VPS13A: variants seen among roughly 807,000 people sequenced by gnomAD.
VPS13A encodes the protein vacuolar protein sorting 13 homolog A.
In VPS13A, 264 loss-of-function variants were observed where a neutral mutation model predicts 390.9. That is an observed-to-expected ratio of 0.68 (90% CI 0.61 to 0.75). The LOEUF (loss-of-function observed/expected upper bound fraction) is 0.75. Among genes scored for constraint, VPS13A ranks in the 30% least tolerant of loss-of-function variants. The pLI is 0.00. For missense variants in VPS13A, 3,409 were observed against 3,733.9 expected (o/e 0.91, Z 2.27); for synonymous variants, 1,231 against 1,227.1 (o/e 1.00, Z -0.07).
chr9:77,220,012 C>G lies in VPS13A; in HGVS notation c.813C>G (p.Asp271Glu), dbSNP rs571540395. The change falls in exon 11 of 72, where the codon GAC becomes GAG. Residue 271 changes from aspartate (D) to glutamate (E), a missense_variant. Transcript: ENST00000360280. ...TGATGAATCGCCGATCTGATTTTGA[C>G]TTTTCTGCCCCCAAAATAAACTTGG... ...KLVMNRRSDF[D>E]FSAPKINLEI... 2 of 1,613,362 alleles carry G rather than the reference C, an allele frequency of 1.2e-6. No individual in the cohort carries two copies. Among genetic ancestry groups the G allele is most frequent in the Admixed American group, 1.7e-5 (1 of 59,974 alleles).
intron 33 of VPS13A, among the ~76,000 whole-genome samples, chr9:77,297,355 C>G (rs1042869757): frequency 3.3e-5 from 5 of 151,988 alleles, no homozygotes; most frequent in African/African-American, 1.2e-4. Context: ...CTTGGTTTCT[C>G]TTGGACTCTC....
At chr9:77,403,972 T>C (rs761720722) in intron 69 of VPS13A, among the ~76,000 whole-genome samples, 45 of 152,196 alleles carry the variant, frequency 3.0e-4, no homozygotes, top group African/African-American at 4.6e-4. Context: ...TGTTCACTTA[T>C]GAAAGGTAAA....
At chr9:77,379,904 C>T (rs1171693785) in intron 67 of VPS13A, among the ~76,000 whole-genome samples, 3 of 152,080 alleles carry the variant, frequency 2.0e-5, no homozygotes, top group Non-Finnish European at 4.4e-5. Flanking sequence ...TTTTTCCTTG[C>T]TGATCTTTTA....
intron 50 of VPS13A, chr9:77,340,847 G>T: frequency 3.0e-6 from 1 of 333,066 alleles, no homozygotes; most frequent in East Asian, 6.8e-5. Flanking sequence ...GCACCAAAGA[G>T]AAGGAAATTA....
chr9:77,234,982 A>C (rs966028583), intron 17 of VPS13A, among the ~76,000 whole-genome samples: 1 of 152,160 alleles, frequency 6.6e-6, no homozygotes, highest in African/African-American at 2.4e-5. Flanking sequence ...CATTTTCACA[A>C]ATTACTGCTT....
intron 1 of VPS13A, chr9:77,178,247 C>T: frequency 6.0e-6 from 1 of 167,458 alleles, no homozygotes; most frequent in Admixed American, 6.1e-5. Flanking sequence ...AGAAATCCCC[C>T]GCGTGTTGCA....
chr9:77,315,148 T>C, intron 37 of VPS13A, 105 bp from the exon 38 acceptor site: 1 of 1,019,222 alleles, frequency 9.8e-7, no homozygotes, highest in Admixed American at 2.0e-5. Flanking sequence ...TTCAGAATGC[T>C]TTTTTTTGTC....
At chr9:77,290,981 G>A (rs1827618166) in intron 31 of VPS13A, among the ~76,000 whole-genome samples, 1 of 151,744 alleles carries the variant, frequency 6.6e-6, no homozygotes, top group Admixed American at 6.6e-5. Flanking sequence ...GCTTTTATAG[G>A]GCATCTCATA....
At chr9:77,392,192 A>G (rs1833922690) in intron 68 of VPS13A, among the ~76,000 whole-genome samples, 9 of 152,234 alleles carry the variant, frequency 5.9e-5, no homozygotes, top group Admixed American at 5.9e-4. Context: ...AGTGATCCCT[A>G]GGTATTATAT....
In VPS13A at chr9:77,177,541, T is replaced by A. The variant is rs1342340657; in HGVS notation, c.-164T>A. ...CGCGTCGTGAGAGCGACCGCCTCCG[T>A]CTCTCGCTGGGCTCGCTAGGGCTGC... On this transcript the variant is annotated 5_prime_UTR_variant, in exon 1 of 72. Coordinates refer to ENST00000360280, the MANE Select transcript of VPS13A (RefSeq NM_033305.3). 2.1e-5 allele frequency: 14 copies of A among 653,922 alleles called. No homozygotes were observed. Among genetic ancestry groups the A allele is most frequent in the Non-Finnish European group, 3.0e-5 (11 of 368,834 alleles). 40.5% of individuals were successfully genotyped at this position (653,922 alleles called of 1,614,324 possible).
At chr9:77,241,930 C>T (rs1824522791) in intron 19 of VPS13A, among the ~76,000 whole-genome samples, 1 of 152,142 alleles carries the variant, frequency 6.6e-6, no homozygotes, top group African/African-American at 2.4e-5. Flanking sequence ...TTTTACTTCA[C>T]AATTATTCTT....
chr9:77,340,589 C>A, intron 50 of VPS13A, 39 bp downstream of exon 50: 2 of 1,608,826 alleles, frequency 1.2e-6, no homozygotes, highest in South Asian at 1.1e-5. Context: ...TCTTTGGATT[C>A]TATTTTCTCC....
intron 26 of VPS13A, among the ~76,000 whole-genome samples, chr9:77,278,556 T>C (rs1826831192): frequency 6.6e-6 from 1 of 152,166 alleles, no homozygotes; most frequent in Admixed American, 6.5e-5. Context: ...GATCAGTAAA[T>C]GGTTCAATGA....
At chr9:77,292,983 TGTCA>T (rs1321803641) in intron 31 of VPS13A, among the ~76,000 whole-genome samples, 1 of 151,766 alleles carries the variant, frequency 6.6e-6, no homozygotes, top group African/African-American at 2.4e-5. Context: ...TTCAAATTTT[TGTCA>T]GTCAATCAAG....
At chr9:77,214,538 A>G (rs1186313518) in intron 10 of VPS13A, 152 bp downstream of exon 10, 5 of 564,760 alleles carry the variant, frequency 8.9e-6, no homozygotes, top group South Asian at 4.9e-5. Flanking sequence ...AAATAATATT[A>G]TATTTTTTAG....
chr9:77,301,083 G>A (rs191296260), intron 33 of VPS13A, among the ~76,000 whole-genome samples: 6 of 152,302 alleles, frequency 3.9e-5, no homozygotes, highest in Non-Finnish European at 7.4e-5. Flanking sequence ...ATATTGGGTA[G>A]TACTGATAAG....
At chr9:77,187,447 T>C (rs114066451) in intron 1 of VPS13A, among the ~76,000 whole-genome samples, 2,103 of 152,300 alleles carry the variant, frequency 0.014, 47 homozygotes, top group African/African-American at 0.048. Flanking sequence ...TGGTATCTTG[T>C]AGTTTTCATT....
At chr9:77,294,292 G>A (rs1210928772) in intron 32 of VPS13A, among the ~76,000 whole-genome samples, 2 of 152,124 alleles carry the variant, frequency 1.3e-5, no homozygotes, top group African/African-American at 4.8e-5. Flanking sequence ...ACCCCTATAT[G>A]ACTCCACCCT....
At chr9:77,214,450 T>C in intron 10 of VPS13A, 64 bp downstream of exon 10, 1 of 1,337,584 alleles carries the variant, frequency 7.5e-7, no homozygotes, top group Non-Finnish European at 1.1e-6. Flanking sequence ...TAAATTAGCA[T>C]TGTTGCTATC....
Sources: allele counts gnomAD v4.1 joint callset (sites outside exome capture counted in the v4.1 genomes callset), GRCh38; gene constraint gnomAD v4.1.1; transcripts MANE v1.5; gene names NCBI Gene and HGNC (gene_info 2026-07-23, HGNC 2026-07-21).